PADI1: variants seen among roughly 807,000 people sequenced by gnomAD.
The protein encoded by PADI1 is protein-arginine deiminase type-1.
PADI1 carries 65 observed loss-of-function variants against 74.8 expected under a neutral mutation model. The ratio of observed to expected loss-of-function variants is 0.87; its 90% CI spans 0.71 to 1.07. The LOEUF (loss-of-function observed/expected upper bound fraction) is 1.07, where lower values mean the gene tolerates loss of function less well. Among genes scored for constraint, PADI1 ranks in the 50% least tolerant of loss-of-function variants. PADI1 has a pLI of 0.00. For synonymous variants in PADI1, 371 were observed against 336.2 expected (o/e 1.10, Z -1.13); for missense variants, 943 against 854.0 (o/e 1.10, Z -1.30).
rs772295055 is a variant in PADI1 at position 17,237,467 on chromosome 1, C to G, written c.1458+9C>G. The stretch of plus-strand genomic sequence containing the variant: ...CTACCTCTGACCAAAAGGTGCGTCC[C>G]CTCCTTCCCTGCCTGAGCCACCTCT... On this transcript the variant is annotated intron_variant, in intron 12 of 15. Coordinates refer to ENST00000375471, the MANE Select transcript of PADI1 (RefSeq NM_013358.3). 6.2e-7 allele frequency: 1 copy of G among 1,602,392 alleles called. No individual in the cohort carries two copies. The highest frequency in any genetic ancestry group is 8.5e-7 in the Non-Finnish European group (1 of 1,173,940).
rs371250521 is a variant in PADI1 at position 17,225,968 on chromosome 1, G to A, written c.526+40G>A. Reference sequence around the variant, plus strand: ...GTGTTGTCTGGGGAGTGGGGAAGGGGGATGGAAGTGGATCCTGTTGGTGGG... The same window carrying A: ...GTGTTGTCTGGGGAGTGGGGAAGGGAGATGGAAGTGGATCCTGTTGGTGGG... On this transcript the variant is annotated intron_variant, in intron 5 of 15. Coordinates refer to ENST00000375471, the MANE Select transcript of PADI1 (RefSeq NM_013358.3). 5.6e-6 allele frequency: 9 copies of A among 1,611,438 alleles called. No individual in the cohort carries two copies. The African/African-American group carries it at 1.2e-4, about 22-fold the overall frequency.
chr1:17,239,328 C>T (rs887011395), intron 13 of PADI1, among the ~76,000 whole-genome samples: 5 of 152,204 alleles, frequency 3.3e-5, no homozygotes, highest in Admixed American at 2.0e-4. Context: ...TGTTCTGAAC[C>T]TCTCAGTGCC....
At chr1:17,240,046 A>G (rs1569852126) in intron 14 of PADI1, 6 of 459,324 alleles carry the variant, frequency 1.3e-5, no homozygotes, top group Non-Finnish European at 2.0e-5. Context: ...TCACAGAAGC[A>G]AATCTGAGCC....
Position 17,244,674 on chromosome 1 carries a change from G to A in PADI1, c.*431G>A, listed in dbSNP as rs534297849. On this transcript the variant is annotated 3_prime_UTR_variant, in exon 16 of 16. Coordinates refer to ENST00000375471, the MANE Select transcript of PADI1 (RefSeq NM_013358.3). ...GGTCTGGTGTGCCAGGCACCAGGCT[G>A]CCTCTGCTCTTGGAAAACTAGGAAA... is the stretch of plus-strand genomic sequence containing the variant. 1.1e-5 allele frequency: 4 copies of A among 352,702 alleles called. No homozygotes were observed. Among genetic ancestry groups the A allele is most frequent in the Non-Finnish European group, 2.2e-5 (4 of 178,656 alleles). 21.8% of individuals were successfully genotyped at this position (352,702 alleles called of 1,614,324 possible). A position where few individuals can be genotyped will look rare whatever the true frequency, so the allele number is the denominator to read the frequency against.
At chr1:17,224,307 T>G in intron 3 of PADI1, 60 bp from the exon 4 acceptor site, 2 of 1,469,440 alleles carry the variant, frequency 1.4e-6, no homozygotes, top group Non-Finnish European at 1.9e-6. Flanking sequence ...AACCTGGACT[T>G]TAGGGGTGTG....
At chr1:17,214,695 G>A (rs1193791704) in intron 1 of PADI1, among the ~76,000 whole-genome samples, 1 of 152,184 alleles carries the variant, frequency 6.6e-6, no homozygotes, top group Non-Finnish European at 1.5e-5. Flanking sequence ...CCCACTGCAG[G>A]GTGGCCTGGG....
chr1:17,240,349 T>C (rs901537478), intron 14 of PADI1: 2 of 312,998 alleles, frequency 6.4e-6, no homozygotes, highest in Non-Finnish European at 1.2e-5. Flanking sequence ...TCAGCCATGC[T>C]GTGGCTGGGG....
intron 11 of PADI1, among the ~76,000 whole-genome samples, chr1:17,235,293 G>GGAAGGAAGGAA (rs1557479110): frequency 6.7e-4 from 42 of 62,854 alleles, no homozygotes; most frequent in Middle Eastern, 9.1e-3. Context: ...GAAGGAAGGA[G>GGAAGGAAGGAA]GGAAGGAAGG....
intron 12 of PADI1, 101 bp downstream of exon 12, chr1:17,237,559 C>T (rs777969817): frequency 1.0e-4 from 119 of 1,151,168 alleles, no homozygotes; most frequent in Middle Eastern, 2.1e-4. Flanking sequence ...CCCTGTGCCC[C>T]GAGTAAGCTC....
chr1:17,223,817 T>A, intron 3 of PADI1, 124 bp downstream of exon 3: 1 of 773,678 alleles, frequency 1.3e-6, no homozygotes, highest in Non-Finnish European at 2.2e-6. Context: ...CTGAGGGGCT[T>A]GGATTCCTCG....
At position 17,208,926 on chromosome 1, in the gene PADI1, A is replaced by G. The variant is rs140816394; in HGVS notation, c.92+3617A>G. Among the ~76,000 whole-genome samples, 164 of 152,298 alleles carry G rather than the reference A, an allele frequency of 1.1e-3. 2 individuals are homozygous for G. The highest frequency in any genetic ancestry group is 3.8e-3 in the African/African-American group (157 of 41,562). ...GGCCGGCCTTGTAGGAGACAGGGAC[A>G]TTCTCCTGCACTTTCCCCCAAGCCT... is the stretch of plus-strand genomic sequence containing the variant. On this transcript the variant is annotated intron_variant, in intron 1 of 15. Coordinates refer to ENST00000375471, the MANE Select transcript of PADI1 (RefSeq NM_013358.3).
chr1:17,228,069 CA>C (rs1364317656), intron 6 of PADI1, among the ~76,000 whole-genome samples: 1 of 152,196 alleles, frequency 6.6e-6, no homozygotes, highest in Non-Finnish European at 1.5e-5. Context: ...CGGCTCACTG[CA>C]GCCTTGAACT....
chr1:17,205,159 C>T lies in PADI1; in HGVS notation c.-59C>T, dbSNP rs114647164. ...CACACTTCTTCCTGGCAAAGAAGTG[C>T]CCAGGACGGGAGCTGGGGAGCCAGG... On this transcript the variant is annotated 5_prime_UTR_variant, in exon 1 of 16. Coordinates refer to ENST00000375471, the MANE Select transcript of PADI1 (RefSeq NM_013358.3). The T allele has an allele frequency of 1.8e-3, 2,432 of 1,388,006 alleles. 30 individuals are homozygous for T. In the African/African-American group the frequency reaches 0.029, roughly 17 times the overall value. 86.0% of individuals were successfully genotyped at this position (1,388,006 alleles called of 1,614,324 possible).
At chr1:17,239,227 G>C (rs765227122) in intron 13 of PADI1, among the ~76,000 whole-genome samples, 2 of 152,190 alleles carry the variant, frequency 1.3e-5, no homozygotes, top group Admixed American at 6.5e-5. Context: ...GGGGAATAGA[G>C]CATTGGAATG....
chr1:17,240,367 A>G, intron 14 of PADI1: 1 of 359,986 alleles, frequency 2.8e-6, no homozygotes, highest in East Asian at 5.5e-5. Context: ...GGGCTGGGAC[A>G]GTGTGTTGTG....
intron 6 of PADI1, 65 bp downstream of exon 6, chr1:17,226,223 T>C: frequency 6.4e-7 from 1 of 1,554,598 alleles, no homozygotes; most frequent in Non-Finnish European, 8.8e-7. Context: ...CTCCCCCATC[T>C]CTCTCTCTTT....
chr1:17,230,623 G>T lies in PADI1; in HGVS notation c.1105G>T (p.Val369Phe). ...IEAPHKSFPV[V>F]FDSPRNRGLK... ...GGCCCCTCACAAATCCTTCCCCGTG[G>T]TCTTTGACTCCCCCAGGAACAGGGG... The change falls in exon 10 of 16, where the codon GTC becomes TTC. Residue 369 changes from valine to phenylalanine, a missense_variant. By Grantham distance (50) the Val-to-Phe change is conservative. Transcript: ENST00000375471. 1 of 1,613,420 alleles carries T rather than the reference G, an allele frequency of 6.2e-7. No individual in the cohort carries two copies. The highest frequency in any genetic ancestry group is 8.5e-7 in the Non-Finnish European group (1 of 1,179,608).
In PADI1 at chr1:17,238,289, A is replaced by G. The variant is rs546294060; in HGVS notation, c.1459-327A>G. Among the ~76,000 whole-genome samples the G allele has an allele frequency of 2.6e-4, 39 of 152,288 alleles. No individual in the cohort carries two copies. In the South Asian group the frequency reaches 7.9e-3, roughly 31 times the overall value. ...ACTCCTGACTGCAGGTGATCTGCCCACCTTGGCCTCCCAAAGTGCTGGGAT... is the reference window on the plus strand; with the variant it reads ...ACTCCTGACTGCAGGTGATCTGCCCGCCTTGGCCTCCCAAAGTGCTGGGAT... On this transcript the variant is annotated intron_variant, in intron 12 of 15. Coordinates refer to ENST00000375471, the MANE Select transcript of PADI1 (RefSeq NM_013358.3).
At chr1:17,241,887 G>T (rs2072785285) in intron 15 of PADI1, among the ~76,000 whole-genome samples, 1 of 150,130 alleles carries the variant, frequency 6.7e-6, no homozygotes, top group African/African-American at 2.5e-5. Flanking sequence ...TGGAATCAGG[G>T]TTGCAAGTGA....
Sources: allele counts gnomAD v4.1 joint callset (sites outside exome capture counted in the v4.1 genomes callset), GRCh38; gene constraint gnomAD v4.1.1; transcripts MANE v1.5; gene names NCBI Gene and HGNC (gene_info 2026-07-23, HGNC 2026-07-21).